Variants in ERCC6 observed in about 807,000 individuals in gnomAD.
The protein encoded by ERCC6 is DNA excision repair protein ERCC-6.
Under a neutral mutation model 158.7 loss-of-function variants are expected in ERCC6, and 116 were observed. That is an observed-to-expected ratio of 0.73 (90% CI 0.63 to 0.85). ERCC6 has a LOEUF of 0.85. Ranked by LOEUF, ERCC6 falls within the 40% of genes least tolerant of loss-of-function variation. The pLI, the probability that ERCC6 is intolerant of heterozygous loss-of-function variation, is 0.00. For missense variants in ERCC6, 1,698 were observed against 1,799.4 expected, an observed-to-expected ratio of 0.94 and a Z score of 1.02; for synonymous variants, 678 against 659.3, an observed-to-expected ratio of 1.03 and a Z score of -0.43.
At chr10:49,499,674 A>T (rs1470914390) in intron 7 of ERCC6, among the ~76,000 whole-genome samples, 1 of 152,190 alleles carries the variant, frequency 6.6e-6, no homozygotes, top group Admixed American at 6.5e-5. Context: ...TTTACCGACC[A>T]ATATTTTTAC....
At chr10:49,448,709 T>G in the ERCC6 span, among the ~76,000 whole-genome samples, 24 of 152,210 alleles carry the variant, frequency 1.6e-4, no homozygotes, top group African/African-American at 5.3e-4. Context: ...TTCTGGACTT[T>G]TATATGGATG....
At chr10:49,525,009 A>C in intron 4 of ERCC6, 1 of 976,450 alleles carries the variant, frequency 1.0e-6, no homozygotes, top group Non-Finnish European at 1.4e-6. Context: ...TTTTCCCCAA[A>C]ATATTTCACT....
At chr10:49,503,891 C>G (rs922138292) in intron 6 of ERCC6, 1 of 152,080 alleles carries the variant, frequency 6.6e-6, no homozygotes, top group Non-Finnish European at 1.5e-5. Context: ...ATTGGCATTG[C>G]CACACTAACC....
chr10:49,533,133 G>A (rs1837512843), intron 1 of ERCC6, among the ~76,000 whole-genome samples, 155 bp from the exon 2 acceptor site: 1 of 152,054 alleles, frequency 6.6e-6, no homozygotes, highest in African/African-American at 2.4e-5. Context: ...TTACTAAAAA[G>A]GGACAACGTA....
chr10:49,443,218 A>T, the ERCC6 span, among the ~76,000 whole-genome samples: 1 of 152,270 alleles, frequency 6.6e-6, no homozygotes, highest in Non-Finnish European at 1.5e-5. Context: ...TATGTTCTAC[A>T]ATTACTTTCA....
chr10:49,495,653 C>T (rs1851254848), intron 7 of ERCC6, among the ~76,000 whole-genome samples: 1 of 152,142 alleles, frequency 6.6e-6, no homozygotes, highest in South Asian at 2.1e-4. Context: ...TGCTTCCAAA[C>T]CAATGGAAAG....
Position 49,483,463 on chromosome 10 carries a change from G to A in ERCC6, c.1875C>T (p.Tyr625=). The A allele has an allele frequency of 6.2e-7, 1 of 1,614,054 alleles. No individual in the cohort carries two copies. Among genetic ancestry groups the A allele is most frequent in the African/African-American group, 1.3e-5 (1 of 75,056 alleles). The change falls in exon 9 of 21, where the codon TAC becomes TAT. Residue 625 remains tyrosine (Y), a synonymous_variant. Coordinates refer to ENST00000355832, the MANE Select transcript of ERCC6 (RefSeq NM_000124.4). The stretch of plus-strand genomic sequence containing the variant: ...CATCCTGCATCAATCGAATGTAGGA[G>A]TAAGATGTGATCAAAATTCCATGAC... ...AHCHGILITS[Y]SYIRLMQDDI...
downstream of ERCC6, among the ~76,000 whole-genome samples, chr10:49,449,857 T>C (rs1257224733): frequency 1.3e-5 from 2 of 151,700 alleles, no homozygotes; most frequent in Non-Finnish European, 2.9e-5. Flanking sequence ...GCCTCTTTCA[T>C]CTATTTTAAC....
downstream of ERCC6, among the ~76,000 whole-genome samples, chr10:49,451,165 T>C (rs1458583742): frequency 7.0e-6 from 1 of 142,850 alleles, no homozygotes; most frequent in African/African-American, 2.5e-5. Flanking sequence ...AACTCACTTA[T>C]TAGTTTCAAT....
chr10:49,515,925 C>A (rs570709813), intron 5 of ERCC6: 1 of 1,614,158 alleles, frequency 6.2e-7, no homozygotes, highest in Admixed American at 1.7e-5. Flanking sequence ...ATCAAATGTG[C>A]CTCTTTCTTT....
At chr10:49,483,188 TAA>T (rs1264458593) in intron 9 of ERCC6, among the ~76,000 whole-genome samples, 156 bp downstream of exon 9, 1 of 152,104 alleles carries the variant, frequency 6.6e-6, no homozygotes, top group African/African-American at 2.4e-5. Flanking sequence ...AGGGCAAAAA[TAA>T]AGAGTTTTCT....
intron 18 of ERCC6, among the ~76,000 whole-genome samples, chr10:49,468,520 G>A (rs1564728386): frequency 6.6e-6 from 1 of 152,204 alleles, no homozygotes; most frequent in Non-Finnish European, 1.5e-5. Context: ...TCACATGGAA[G>A]GGTAAATGTT....
the ERCC6 span, among the ~76,000 whole-genome samples, chr10:49,446,166 A>T: frequency 6.6e-6 from 1 of 152,124 alleles, no homozygotes; most frequent in South Asian, 2.1e-4. Context: ...GCACATACAA[A>T]AACCATGCTG....
rs1306863648 is a variant in ERCC6 at position 49,532,653 on chromosome 10, C to T, written c.312G>A (p.Val104=). 1 of 1,614,218 alleles carries T rather than the reference C, an allele frequency of 6.2e-7. No individual in the cohort carries two copies. The highest frequency in any genetic ancestry group is 8.5e-7 in the Non-Finnish European group (1 of 1,180,044). ...CCTGCTGAAGCACTCCCTGTTCCAG[C>T]ACGTCCTGGTCATAGACGTCCACAC... The part of the protein sequence containing the change: ...GLGVDVYDQD[V]LEQGVLQQVD... The change falls in exon 2 of 21, where the codon GTG becomes GTA. Residue 104 remains valine, a synonymous_variant. Transcript: ENST00000355832.
the ERCC6 span, among the ~76,000 whole-genome samples, chr10:49,449,150 C>CT: frequency 1.3e-5 from 2 of 152,158 alleles, no homozygotes; most frequent in Admixed American, 6.6e-5. Context: ...TTGTTACTAT[C>CT]TTTTTTATTT....
At chr10:49,463,633 T>C (rs1443342362) in intron 18 of ERCC6, among the ~76,000 whole-genome samples, 1 of 152,196 alleles carries the variant, frequency 6.6e-6, no homozygotes, top group Admixed American at 6.5e-5. Context: ...TCATCTTGAA[T>C]TGTAACTCCC....
the ERCC6 span, among the ~76,000 whole-genome samples, chr10:49,443,815 T>C: frequency 4.6e-5 from 7 of 152,228 alleles, no homozygotes; most frequent in Admixed American, 1.3e-4. Context: ...CCTAGGTGTG[T>C]AGTAGCTGTA....
At chr10:49,511,337 T>C (rs991252202) in intron 5 of ERCC6, among the ~76,000 whole-genome samples, 2 of 152,202 alleles carry the variant, frequency 1.3e-5, no homozygotes, top group Non-Finnish European at 2.9e-5. Context: ...GTTTTTGATG[T>C]TCCCACTTTC....
At chr10:49,460,669 C>T (rs1477047880) in intron 19 of ERCC6, among the ~76,000 whole-genome samples, 2 of 152,148 alleles carry the variant, frequency 1.3e-5, no homozygotes, top group African/African-American at 4.8e-5. Flanking sequence ...GCCTGTAATC[C>T]CAACACTTTG....
Sources: allele counts gnomAD v4.1 joint callset (sites outside exome capture counted in the v4.1 genomes callset), GRCh38; gene constraint gnomAD v4.1.1; transcripts MANE v1.5; gene names NCBI Gene and HGNC (gene_info 2026-07-23, HGNC 2026-07-21).